The following FNDC3B variants were observed in gnomAD, a reference collection of about 807,000 sequenced individuals.
FNDC3B encodes the protein fibronectin type III domain containing 3B, also known as fibronectin type III domain-containing protein 3B.
In FNDC3B, 12 loss-of-function variants were observed where a neutral mutation model predicts 151.5. The observed-to-expected ratio is 0.08, with a 90% CI of 0.05 to 0.13. The LOEUF is 0.13. Ranked by LOEUF, FNDC3B falls within the 10% of genes least tolerant of loss-of-function variation. The probability of loss-of-function intolerance (pLI) is 1.00; values close to 1 mark genes in which losing one functional copy is unlikely to be tolerated. For synonymous variants in FNDC3B, 528 were observed against 549.0 expected (o/e 0.96, Z 0.54); for missense variants, 1,214 against 1,505.3 (o/e 0.81, Z 3.20).
At chr3:172,159,981 T>C (rs1304021860) in intron 3 of FNDC3B, among the ~76,000 whole-genome samples, 1 of 152,212 alleles carries the variant, frequency 6.6e-6, no homozygotes, top group African/African-American at 2.4e-5. Flanking sequence ...ATAAATGGGC[T>C]GGCACATCTG....
intron 10 of FNDC3B, 87 bp downstream of exon 10, chr3:172,307,588 G>A: frequency 7.4e-7 from 1 of 1,348,500 alleles, no homozygotes; most frequent in Middle Eastern, 2.3e-4. Context: ...AGCTACCTGG[G>A]AGGCTGAGGA....
At chr3:172,391,926 GA>G (rs1736027779) in intron 25 of FNDC3B, among the ~76,000 whole-genome samples, 1 of 151,606 alleles carries the variant, frequency 6.6e-6, no homozygotes, top group Non-Finnish European at 1.5e-5. Flanking sequence ...CTATACTTAA[GA>G]AATTAAATCT....
chr3:172,264,372 A>G (rs1302628104), intron 6 of FNDC3B, among the ~76,000 whole-genome samples: 1 of 152,210 alleles, frequency 6.6e-6, no homozygotes, highest in Non-Finnish European at 1.5e-5. Flanking sequence ...AATGAGAGAT[A>G]CAGTAATCAT....
Position 172,378,394 on chromosome 3 carries a change from T to C in FNDC3B, c.3133T>C (p.Tyr1045His), listed in dbSNP as rs754691820. ...TGGAGAAGGGCCCTTCTCAGAAACC[T>C]ATACCTTCAGCACAACCAAAAGTGT... The part of the protein sequence containing the change: ...EAGEGPFSET[Y>H]TFSTTKSVPP... The change falls in exon 24 of 26, where the codon TAT (tyrosine) becomes CAT (histidine). Residue 1045 changes from tyrosine to histidine, a missense_variant. Around this residue, in one of 7 missense-constraint regions of FNDC3B, gnomAD observed 284 missense variants for 392.4 expected, o/e 0.72. Coordinates refer to ENST00000415807, the MANE Select transcript of FNDC3B (RefSeq NM_022763.4). 5 of 1,613,728 alleles carry C rather than the reference T, an allele frequency of 3.1e-6. No individual in the cohort carries two copies. The highest frequency in any genetic ancestry group is 1.7e-5 in the Admixed American group (1 of 59,928).
chr3:172,174,944 C>CCA (rs1553769248), intron 3 of FNDC3B, among the ~76,000 whole-genome samples: 1 of 50,654 alleles, frequency 2.0e-5, no homozygotes, highest in Admixed American at 1.8e-4. Flanking sequence ...CCCCCCCCCC[C>CCA]CCAATACAAT....
At chr3:172,109,311 G>A (rs1338244951) in intron 1 of FNDC3B, among the ~76,000 whole-genome samples, 1 of 151,832 alleles carries the variant, frequency 6.6e-6, no homozygotes, top group Non-Finnish European at 1.5e-5. Context: ...GACTACAGGC[G>A]CCCGCCACTG....
At chr3:172,363,175 G>A (rs1734447831) in intron 23 of FNDC3B, among the ~76,000 whole-genome samples, 1 of 152,086 alleles carries the variant, frequency 6.6e-6, no homozygotes, top group African/African-American at 2.4e-5. Flanking sequence ...TTAGTCATGA[G>A]TGCAGAGGGA....
intron 7 of FNDC3B, among the ~76,000 whole-genome samples, chr3:172,288,528 C>T (rs758108029): frequency 5.3e-5 from 8 of 152,214 alleles, no homozygotes; most frequent in Non-Finnish European, 7.3e-5. Flanking sequence ...GAAGAGTTTC[C>T]TTAGTCCTAT....
chr3:172,167,446 C>T (rs142465638), intron 3 of FNDC3B, among the ~76,000 whole-genome samples: 250 of 152,322 alleles, frequency 1.6e-3, no homozygotes, highest in Admixed American at 2.2e-3. Context: ...CTGCCTGGTT[C>T]ACCCTTGTGT....
chr3:172,105,788 C>A (rs1274823896), intron 1 of FNDC3B, among the ~76,000 whole-genome samples: 4 of 152,188 alleles, frequency 2.6e-5, no homozygotes, highest in Non-Finnish European at 4.4e-5. Context: ...TTTTCTGAAA[C>A]TTGACCCACT....
chr3:172,337,288 A>T (rs1427944034), intron 15 of FNDC3B, 42 bp from the exon 16 acceptor site: 1 of 1,332,262 alleles, frequency 7.5e-7, no homozygotes, highest in Non-Finnish European at 1.1e-6. Context: ...AATAAAAATC[A>T]ATATCCTTTT....
At chr3:172,259,126 G>GGA (rs1728517774) in intron 6 of FNDC3B, among the ~76,000 whole-genome samples, 1 of 152,240 alleles carries the variant, frequency 6.6e-6, no homozygotes, top group Admixed American at 6.5e-5. Context: ...TCTGAGTATT[G>GGA]CAAAAATATC....
chr3:172,216,715 T>C (rs1287216095), intron 3 of FNDC3B, among the ~76,000 whole-genome samples: 3 of 152,314 alleles, frequency 2.0e-5, no homozygotes, highest in East Asian at 3.9e-4. Flanking sequence ...ATCCTGAATG[T>C]TGTTTATTTG....
At chr3:172,102,290 A>G (rs1280626275) in intron 1 of FNDC3B, among the ~76,000 whole-genome samples, 1 of 152,210 alleles carries the variant, frequency 6.6e-6, no homozygotes, top group African/African-American at 2.4e-5. Flanking sequence ...ATTAGTGTGC[A>G]GGTGCCCCAA....
chr3:172,203,544 G>A (rs1391198258), intron 3 of FNDC3B, among the ~76,000 whole-genome samples: 2 of 152,200 alleles, frequency 1.3e-5, no homozygotes, highest in African/African-American at 2.4e-5. Flanking sequence ...TATGGGGAAG[G>A]ATGTTACATT....
intron 25 of FNDC3B, among the ~76,000 whole-genome samples, chr3:172,387,254 C>T (rs535165506): frequency 3.9e-5 from 6 of 152,154 alleles, no homozygotes; most frequent in Non-Finnish European, 5.9e-5. Flanking sequence ...CCACACCCAG[C>T]GGCTAATTTA....
At chr3:172,123,392 A>ATT (rs11438308) in intron 2 of FNDC3B, among the ~76,000 whole-genome samples, 80 of 149,180 alleles carry the variant, frequency 5.4e-4, no homozygotes, top group Non-Finnish European at 8.8e-4. Flanking sequence ...GAAGTTGATA[A>ATT]TTTTTTTTTT....
intron 3 of FNDC3B, among the ~76,000 whole-genome samples, chr3:172,199,918 T>C (rs1466345207): frequency 6.6e-6 from 1 of 152,210 alleles, no homozygotes; most frequent in Non-Finnish European, 1.5e-5. Context: ...ACAATAAATA[T>C]GGTGGGTTCT....
At chr3:172,217,519 ATG>A (rs1419311550) in intron 3 of FNDC3B, among the ~76,000 whole-genome samples, 1 of 151,368 alleles carries the variant, frequency 6.6e-6, no homozygotes, top group Non-Finnish European at 1.5e-5. Flanking sequence ...TTGTTTATGT[ATG>A]TGTTATAAAA....
Sources: allele counts gnomAD v4.1 joint callset (sites outside exome capture counted in the v4.1 genomes callset), GRCh38; gene constraint gnomAD v4.1.1; regional missense constraint gnomAD v4.1.1; transcripts MANE v1.5; gene names NCBI Gene and HGNC (gene_info 2026-07-23, HGNC 2026-07-21).